Variants in CIT observed in about 807,000 individuals in gnomAD.
The protein encoded by CIT is citron Rho-interacting kinase.
A neutral mutation model predicts 272.7 loss-of-function variants in CIT; 79 were observed. That is an observed-to-expected ratio of 0.29 (90% CI 0.24 to 0.35). CIT has a LOEUF of 0.35. Ranked by LOEUF, CIT falls within the 10% of genes least tolerant of loss-of-function variation. CIT has a pLI of 1.00. For synonymous variants in CIT, 948 were observed against 995.6 expected (o/e 0.95, Z 0.90); for missense variants, 1,909 against 2,618.3 (o/e 0.73, Z 5.91).
At chr12:119,767,841 A>G (rs1413291606) in intron 18 of CIT, among the ~76,000 whole-genome samples, 1 of 152,168 alleles carries the variant, frequency 6.6e-6, no homozygotes, top group African/African-American at 2.4e-5. Context: ...TAAAGATTAG[A>G]AGAGAATCTG....
Position 119,758,758 on chromosome 12 carries a change from T to A in CIT, c.2422-58A>T, listed in dbSNP as rs1961360948. On this transcript the variant is annotated intron_variant, in intron 20 of 47. Transcript: ENST00000392521. ...ACCAGAACAGGAGTAACAGGGGCAG[T>A]GCGGGCCAGGGTAAAAGTTTCATCT... 4 of 1,145,306 alleles carry A rather than the reference T, an allele frequency of 3.5e-6. No homozygotes were observed. The East Asian group carries it at 9.4e-5, about 27-fold the overall frequency. 70.9% of individuals were successfully genotyped at this position (1,145,306 alleles called of 1,614,324 possible). A position where few individuals can be genotyped will look rare whatever the true frequency, so the allele number is the denominator to read the frequency against.
Position 119,785,051 on chromosome 12 carries a change from C to A in CIT, c.1310G>T (p.Gly437Val), listed in dbSNP as rs753256269. 1 of 1,614,168 alleles carries A rather than the reference C, an allele frequency of 6.2e-7. No individual in the cohort carries two copies. The highest frequency in any genetic ancestry group is 8.5e-7 in the Non-Finnish European group (1 of 1,180,012). The change falls in exon 11 of 48, where the codon GGT (glycine) becomes GTT (valine). Residue 437 changes from glycine to valine, a missense_variant. Gly to Val is a moderately radical substitution (Grantham distance 109). This residue lies in a region of CIT where 529 missense variants were observed against 549.6 expected (regional missense o/e 0.96). Transcript: ENST00000392521. ...ILGRSESVVS[G>V]LDSPAKTSSM... ...GCTAGTCTTGGCAGGGGAGTCCAGA[C>A]CCGACACAACAGACCTAGGTAGAGA...
Position 119,718,194 on chromosome 12 carries a change from GC to G in CIT, c.4168+50del, listed in dbSNP as rs767560031. 10 of 1,553,910 alleles carry G rather than the reference GC, an allele frequency of 6.4e-6. No homozygotes were observed. In the Middle Eastern group the frequency reaches 5.2e-4, roughly 80 times the overall value. On this transcript the variant is annotated intron_variant, in intron 32 of 47. Transcript: ENST00000392521. The surrounding 1 kb of genome is among the most constrained non-coding windows in gnomAD (Gnocchi z 4.8). ...GTATTACTTGTAATTTTTACCATAT[GC>G]CCACATGTCTTAGTCGACTAAAAGA...
chr12:119,797,975 T>C (rs1965876533), intron 10 of CIT, among the ~76,000 whole-genome samples: 1 of 152,244 alleles, frequency 6.6e-6, no homozygotes, highest in African/African-American at 2.4e-5. Flanking sequence ...ATGATCAGCC[T>C]GAAGATATGG....
chr12:119,767,262 G>C lies in CIT; in HGVS notation c.2209-80C>G, dbSNP rs944379312. 8 of 1,132,716 alleles carry C rather than the reference G, an allele frequency of 7.1e-6. No individual in the cohort carries two copies. The African/African-American group carries it at 1.1e-4, about 15-fold the overall frequency. 70.2% of individuals were successfully genotyped at this position (1,132,716 alleles called of 1,614,324 possible). On this transcript the variant is annotated intron_variant, in intron 18 of 47. Coordinates refer to ENST00000392521, the MANE Select transcript of CIT (RefSeq NM_001206999.2). ...CACGTTAGACATTCACAGGAAACAT[G>C]ACTTTGGTACAGGTACCACAGGTAA... is the stretch of plus-strand genomic sequence containing the variant.
chr12:119,820,918 C>T (rs1341490198), intron 9 of CIT, among the ~76,000 whole-genome samples: 3 of 152,052 alleles, frequency 2.0e-5, no homozygotes, highest in Non-Finnish European at 2.9e-5. Context: ...TGCAGTGAGC[C>T]GTGATCACAC....
chr12:119,872,356 T>C (rs1481293396), intron 2 of CIT, among the ~76,000 whole-genome samples: 3 of 151,962 alleles, frequency 2.0e-5, no homozygotes, highest in Non-Finnish European at 2.9e-5. Context: ...TCCTGTTGAG[T>C]AGAAGTAAAA....
intron 9 of CIT, among the ~76,000 whole-genome samples, chr12:119,811,665 T>C (rs1467934953): frequency 6.6e-6 from 1 of 152,234 alleles, no homozygotes; most frequent in Non-Finnish European, 1.5e-5. Flanking sequence ...TATTAAGTTT[T>C]TGGTAATCAA....
At chr12:119,695,129 G>A (rs1466139438) in intron 46 of CIT, among the ~76,000 whole-genome samples, 1 of 152,094 alleles carries the variant, frequency 6.6e-6, no homozygotes, top group Non-Finnish European at 1.5e-5. Context: ...GAGTGTTTAT[G>A]CAAGAAAAAC....
intron 22 of CIT, among the ~76,000 whole-genome samples, chr12:119,756,988 C>T (rs1212643780): frequency 6.6e-6 from 1 of 151,998 alleles, no homozygotes; most frequent in Non-Finnish European, 1.5e-5. Flanking sequence ...GGTGTGGTGC[C>T]AGGCGCCTGT....
At chr12:119,772,745 C>T (rs1251658528) in intron 17 of CIT, 25 bp downstream of exon 17, 1 of 1,601,244 alleles carries the variant, frequency 6.2e-7, no homozygotes. Context: ...GCCGCTGGGG[C>T]CTGGGCTGGA....
intron 5 of CIT, among the ~76,000 whole-genome samples, chr12:119,837,096 C>T (rs1175500498): frequency 6.6e-6 from 1 of 152,204 alleles, no homozygotes; most frequent in African/African-American, 2.4e-5. Flanking sequence ...TGACAAACCT[C>T]TAAATAGACC....
At chr12:119,867,692 A>T (rs1950554024) in intron 3 of CIT, among the ~76,000 whole-genome samples, 1 of 151,708 alleles carries the variant, frequency 6.6e-6, no homozygotes, top group African/African-American at 2.4e-5. Context: ...TTCCCCCCAA[A>T]CTCACACACC....
At chr12:119,839,132 C>T (rs1404456746) in intron 5 of CIT, among the ~76,000 whole-genome samples, 6 of 152,208 alleles carry the variant, frequency 3.9e-5, no homozygotes, top group African/African-American at 9.7e-5. Context: ...TTGGAAGTAG[C>T]GGCTGCTTCT....
chr12:119,741,289 G>A (rs908544805), intron 24 of CIT, among the ~76,000 whole-genome samples: 2 of 152,190 alleles, frequency 1.3e-5, no homozygotes, highest in African/African-American at 4.8e-5. Flanking sequence ...TCAAGAACAG[G>A]TAAGACTAAA....
intron 7 of CIT, among the ~76,000 whole-genome samples, chr12:119,829,891 C>T (rs1002882082): frequency 8.6e-5 from 13 of 151,956 alleles, no homozygotes; most frequent in African/African-American, 2.7e-4. Context: ...GAAGATATTA[C>T]GTGGGGGTGA....
At chr12:119,730,009 G>T (rs550515864) in intron 27 of CIT, among the ~76,000 whole-genome samples, 2 of 152,064 alleles carry the variant, frequency 1.3e-5, no homozygotes, top group African/African-American at 4.8e-5. Flanking sequence ...GATGGAACAC[G>T]TGTATTTCCG....
rs766553769 is a variant in CIT, at chr12:119,752,149, C to T, written c.2805G>A (p.Leu935=). The change falls in exon 23 of 48, where the codon CTG becomes CTA. Residue 935 remains leucine, a synonymous_variant. Transcript: ENST00000392521. The part of the protein sequence containing the change: ...LQERESQLTA[L]QAARAALESQ... ...TCTCCAGGGCCGCCCGTGCAGCCTG[C>T]AGGGCTGTCAACTGTGACTCGCGCT... is the stretch of plus-strand genomic sequence containing the variant. 1.2e-6 allele frequency: 2 copies of T among 1,613,006 alleles called. No individual in the cohort carries two copies. The highest frequency in any genetic ancestry group is 1.7e-6 in the Non-Finnish European group (2 of 1,179,998).
At position 119,773,248 on chromosome 12, in the gene CIT, G is replaced by A. The variant is rs203334; in HGVS notation, c.1942-338C>T. Among the ~76,000 whole-genome samples the A allele has an allele frequency of 6.4e-3, 981 of 152,152 alleles. 9 individuals are homozygous for A. Among genetic ancestry groups the A allele is most frequent in the African/African-American group, 0.022 (913 of 41,500 alleles). On this transcript the variant is annotated intron_variant, in intron 16 of 47. Transcript: ENST00000392521. Reference sequence around the variant, plus strand: ...GTATCTGACCATCATTAGCATCTTCGATTCGATGCAACGTAATGAATGGAA... The same window carrying A: ...GTATCTGACCATCATTAGCATCTTCAATTCGATGCAACGTAATGAATGGAA...
Sources: allele counts gnomAD v4.1 joint callset (sites outside exome capture counted in the v4.1 genomes callset), GRCh38; gene constraint gnomAD v4.1.1; regional missense constraint gnomAD v4.1.1; non-coding constraint Gnocchi (gnomAD v3.1); transcripts MANE v1.5; gene names NCBI Gene and HGNC (gene_info 2026-07-23, HGNC 2026-07-21).